Variants in PROM2 observed in about 807,000 individuals in gnomAD.
PROM2 encodes the protein prominin-2.
A neutral mutation model predicts 110.2 loss-of-function variants in PROM2; 90 were observed. That is an observed-to-expected ratio of 0.82 (90% CI 0.69 to 0.97). The LOEUF is 0.97. PROM2 is among the 50% of genes least tolerant of loss of function. The pLI is 0.00. For missense variants in PROM2, 1,009 were observed against 1,074.8 expected, an observed-to-expected ratio of 0.94 and a Z score of 0.86; for synonymous variants, 470 against 467.8, an observed-to-expected ratio of 1.00 and a Z score of -0.06.
chr2:95,277,104 T>G (rs1573446542), intron 6 of PROM2, 43 bp downstream of exon 6: 1 of 1,515,536 alleles, frequency 6.6e-7, no homozygotes, highest in Non-Finnish European at 8.9e-7. Flanking sequence ...GCCCAGCGGG[T>G]GTCCTCCTGG....
At chr2:95,278,375 G>T in intron 8 of PROM2, 1 of 530,662 alleles carries the variant, frequency 1.9e-6, no homozygotes, top group Admixed American at 3.2e-5. Context: ...TGGGTGGCTG[G>T]AGTGGAAGGT....
At chr2:95,281,417 T>C in intron 12 of PROM2, 52 bp downstream of exon 12, 1 of 1,395,364 alleles carries the variant, frequency 7.2e-7, no homozygotes, top group Non-Finnish European at 9.4e-7. Context: ...TGGGGGGCGG[T>C]ATCAGCAGAG....
At chr2:95,283,980 C>G (rs1490830968) in intron 14 of PROM2, among the ~76,000 whole-genome samples, 3 of 152,202 alleles carry the variant, frequency 2.0e-5, no homozygotes, top group Non-Finnish European at 4.4e-5. Flanking sequence ...TTGAAGGCCT[C>G]GACACAGCTG....
Position 95,287,131 on chromosome 2 carries a change from A to G in PROM2, c.2095-2A>G. On this transcript the variant is annotated splice_acceptor_variant, in intron 18 of 23. Transcript: ENST00000317620. LOFTEE classifies it high-confidence loss of function. The stretch of plus-strand genomic sequence containing the variant: ...CTGAGTTGAGGCTCTCGTCCCCTCC[A>G]GCTGGAGACCTCAGATGTCCTAGCC... The G allele has an allele frequency of 6.2e-7, 1 of 1,613,784 alleles. No individual in the cohort carries two copies. Among genetic ancestry groups the G allele is most frequent in the African/African-American group, 1.3e-5 (1 of 75,022 alleles).
chr2:95,287,315 C>T, intron 19 of PROM2, 81 bp from the exon 20 acceptor site: 1 of 1,575,822 alleles, frequency 6.3e-7, no homozygotes, highest in Non-Finnish European at 8.7e-7. Flanking sequence ...CCTCAAGTTG[C>T]CAGGCATGGG....
chr2:95,274,565 G>T lies in PROM2; in HGVS notation c.-21G>T, dbSNP rs1676530677. ...CTTGTCTGTTCCCTCCTGAGCCTGA[G>T]CCCCTTACCTTCCTGACCCCATGAA... is the stretch of plus-strand genomic sequence containing the variant. On this transcript the variant is annotated 5_prime_UTR_variant, in exon 1 of 24. Transcript: ENST00000317620. 2 of 1,551,570 alleles carry T rather than the reference G, an allele frequency of 1.3e-6. No homozygotes were observed. Among genetic ancestry groups the T allele is most frequent in the South Asian group, 1.2e-5 (1 of 82,272 alleles).
At position 95,282,123 on chromosome 2, in the gene PROM2, A is replaced by G. The variant is rs1677085230; in HGVS notation, c.1644-19A>G. ...GCCACCCCCAAGGCTCATCGTCTGCACCCCTCACTCCTCCTCAGGCAGTGC... is the reference window on the plus strand; with the variant it reads ...GCCACCCCCAAGGCTCATCGTCTGCGCCCCTCACTCCTCCTCAGGCAGTGC... On this transcript the variant is annotated intron_variant, in intron 13 of 23. Transcript: ENST00000317620. The G allele has an allele frequency of 6.2e-7, 1 of 1,611,026 alleles. No homozygotes were observed. Among genetic ancestry groups the G allele is most frequent in the African/African-American group, 1.3e-5 (1 of 74,352 alleles).
At chr2:95,281,607 C>A (rs1198277665) in intron 12 of PROM2, among the ~76,000 whole-genome samples, 2 of 152,092 alleles carry the variant, frequency 1.3e-5, no homozygotes, top group African/African-American at 4.8e-5. Flanking sequence ...AGAGATGGCA[C>A]CCTGACCCAT....
In PROM2 at chr2:95,276,788, C is replaced by T. The variant is rs545581729; in HGVS notation, c.682+131C>T. The stretch of plus-strand genomic sequence containing the variant: ...AGGCTGGTAGAGGTGGGGATCAGGC[C>T]GGCTGGAGAGCAAGAGTGGCCGCCA... On this transcript the variant is annotated intron_variant, in intron 5 of 23. Coordinates refer to ENST00000317620, the MANE Select transcript of PROM2 (RefSeq NM_001165978.3). The surrounding 1 kb of genome is among the most constrained non-coding windows in gnomAD (Gnocchi z 4.6). 1.8e-5 allele frequency: 21 copies of T among 1,186,542 alleles called. No individual in the cohort carries two copies. Among genetic ancestry groups the T allele is most frequent in the South Asian group, 2.6e-5 (2 of 75,588 alleles). The allele number at this position is 1,186,542 out of a possible 1,614,324, so 73.5% of individuals were successfully genotyped here. A position where few individuals can be genotyped will look rare whatever the true frequency, so the allele number is the denominator to read the frequency against.
chr2:95,285,918 G>A (rs1677332151), intron 16 of PROM2, among the ~76,000 whole-genome samples: 3 of 152,244 alleles, frequency 2.0e-5, no homozygotes, highest in Admixed American at 1.3e-4. Context: ...GTGGCCTTGG[G>A]CAAGACATGC....
At chr2:95,287,512 C>A in intron 20 of PROM2, 48 bp downstream of exon 20, 1 of 1,586,048 alleles carries the variant, frequency 6.3e-7, no homozygotes, top group Non-Finnish European at 8.7e-7. Context: ...TCCATCGGAC[C>A]AGCTGTTCAC....
rs1201802551 is a variant in PROM2, at chr2:95,275,800, G to A, written c.295-130G>A. The A allele has an allele frequency of 1.1e-5, 16 of 1,500,198 alleles. No individual in the cohort carries two copies. The East Asian group carries it at 2.2e-4, about 21-fold the overall frequency. The allele number at this position is 1,500,198 out of a possible 1,614,324, so 92.9% of individuals were successfully genotyped here. On this transcript the variant is annotated intron_variant, in intron 2 of 23. Coordinates refer to ENST00000317620, the MANE Select transcript of PROM2 (RefSeq NM_001165978.3). This position sits in a 1 kb window ranked among gnomAD's most constrained non-coding sequence, Gnocchi z 4.4. ...GTAAGAATGCGGTCACCTCTGGGAC[G>A]GGTTCCATGAGATGCAGGCCATGCC...
intron 8 of PROM2, chr2:95,278,419 A>C: frequency 1.8e-6 from 1 of 555,818 alleles, no homozygotes; most frequent in Non-Finnish European, 3.2e-6. Context: ...TGAGGCTAGA[A>C]GGGTGGACTG....
chr2:95,288,115 C>A, intron 20 of PROM2, 96 bp from the exon 21 acceptor site: 1 of 1,249,556 alleles, frequency 8.0e-7, no homozygotes, highest in Non-Finnish European at 1.2e-6. Context: ...CCAGGCCTTT[C>A]TGTGTCCCTG....
At position 95,285,133 on chromosome 2, in the gene PROM2, C is replaced by T. The variant is rs750432615; in HGVS notation, c.1875+18C>T. 1.3e-6 allele frequency: 2 copies of T among 1,534,698 alleles called. No homozygotes were observed. Among genetic ancestry groups the T allele is most frequent in the African/African-American group, 1.4e-5 (1 of 72,910 alleles). On this transcript the variant is annotated intron_variant, in intron 15 of 23. Transcript: ENST00000317620. The stretch of plus-strand genomic sequence containing the variant: ...TCGTTCAGGTCAGCGGTGGGCACCT[C>T]AGCAGGGCTTCCTCAGCAGGTGGTG...
intron 10 of PROM2, 144 bp downstream of exon 10, chr2:95,279,288 TTTTG>T (rs1676885278): frequency 1.4e-6 from 1 of 689,702 alleles, no homozygotes; most frequent in African/African-American, 1.8e-5. Flanking sequence ...GTTTGTTTGT[TTTTG>T]TTTTTTTCAT....
chr2:95,285,384 C>T (rs1289043425), intron 15 of PROM2, among the ~76,000 whole-genome samples: 2 of 152,344 alleles, frequency 1.3e-5, no homozygotes, highest in Non-Finnish European at 1.5e-5. Context: ...CTGCCGAGGA[C>T]GCATTGGGAA....
chr2:95,280,101 T>G, intron 11 of PROM2, 104 bp downstream of exon 11: 1 of 1,156,962 alleles, frequency 8.6e-7, no homozygotes, highest in South Asian at 2.7e-5. Context: ...GTCAGTGTCA[T>G]CATCTGAATA....
intron 8 of PROM2, 50 bp downstream of exon 8, chr2:95,278,054 GCCT>G: frequency 6.7e-7 from 1 of 1,499,150 alleles, no homozygotes; most frequent in East Asian, 2.4e-5. Flanking sequence ...CCAAGTGAGG[GCCT>G]CTGTTTCCCC....
Sources: allele counts gnomAD v4.1 joint callset (sites outside exome capture counted in the v4.1 genomes callset), GRCh38; gene constraint gnomAD v4.1.1; non-coding constraint Gnocchi (gnomAD v3.1); transcripts MANE v1.5; gene names NCBI Gene and HGNC (gene_info 2026-07-23, HGNC 2026-07-21).